The following RNF141 variants were observed in gnomAD, a reference collection of about 807,000 sequenced individuals.
The protein encoded by RNF141 is C3HC4-like zinc finger protein.
RNF141 carries 18 observed loss-of-function variants against 27.4 expected under a neutral mutation model. The ratio of observed to expected loss-of-function variants is 0.66; its 90% CI spans 0.45 to 0.97. The LOEUF (loss-of-function observed/expected upper bound fraction) is 0.97, where lower values mean the gene tolerates loss of function less well. RNF141 is among the 50% of genes least tolerant of loss of function. RNF141 has a pLI of 0.00. For synonymous variants in RNF141, 97 were observed against 96.6 expected, an observed-to-expected ratio of 1.00 and a Z score of -0.02; for missense variants, 230 against 279.4, an observed-to-expected ratio of 0.82 and a Z score of 1.26.
intron 4 of RNF141, among the ~76,000 whole-genome samples, chr11:10,524,141 A>G (rs1299476152): frequency 6.6e-6 from 1 of 152,174 alleles, no homozygotes; most frequent in African/African-American, 2.4e-5. Context: ...CTGGCCGGGC[A>G]TGGTGGCTCA....
intron 2 of RNF141, chr11:10,531,919 A>G: frequency 2.5e-6 from 1 of 404,568 alleles, no homozygotes; most frequent in Non-Finnish European, 4.9e-6. Context: ...TATAGGTTTA[A>G]TTCTACAGTT....
At chr11:10,523,385 T>G (rs1849904975) in intron 4 of RNF141, among the ~76,000 whole-genome samples, 2 of 152,230 alleles carry the variant, frequency 1.3e-5, no homozygotes, top group Non-Finnish European at 2.9e-5. Context: ...AAATCTCAGA[T>G]TCTTTGGCTG....
At chr11:10,522,955 G>C (rs964555127) in intron 4 of RNF141, among the ~76,000 whole-genome samples, 4 of 152,224 alleles carry the variant, frequency 2.6e-5, no homozygotes, top group African/African-American at 9.6e-5. Context: ...CTTGCTGCTA[G>C]AGTCTGTGCC....
intron 3 of RNF141, among the ~76,000 whole-genome samples, chr11:10,526,731 G>A (rs560548595): frequency 1.9e-3 from 285 of 151,230 alleles, no homozygotes; most frequent in African/African-American, 6.8e-3. Context: ...GCAGTGAGCC[G>A]AGATGGCGCC....
chr11:10,520,305 G>A (rs1849878423), intron 4 of RNF141, among the ~76,000 whole-genome samples: 1 of 152,084 alleles, frequency 6.6e-6, no homozygotes, highest in African/African-American at 2.4e-5. Flanking sequence ...CAGCTGTACA[G>A]AAATATTTTA....
chr11:10,523,653 C>T (rs1849907124), intron 4 of RNF141, among the ~76,000 whole-genome samples: 1 of 152,146 alleles, frequency 6.6e-6, no homozygotes. Flanking sequence ...AGAAGCACCC[C>T]TAACAAGCTA....
In RNF141 at chr11:10,513,687, GTTTT is replaced by G. The variant is rs11300664; in HGVS notation, c.*1225_*1228del. On this transcript the variant is annotated 3_prime_UTR_variant, in exon 6 of 6. Transcript: ENST00000265981. ...AAAAAGCCTCACTCTATTTTCTTGT[GTTTT>G]TTTTTTGATTAGGAGTCTCGTTCTG... 1 of 150,234 alleles carries G rather than the reference GTTTT, an allele frequency of 6.7e-6. No homozygotes were observed. The highest frequency in any genetic ancestry group is 1.5e-5 in the Non-Finnish European group (1 of 67,480). 9.3% of individuals were successfully genotyped at this position (150,234 alleles called of 1,614,324 possible).
intron 5 of RNF141, chr11:10,517,479 A>G (rs1400099239): frequency 1.3e-5 from 2 of 151,898 alleles, no homozygotes; most frequent in Non-Finnish European, 2.9e-5. Context: ...AAATTTCCAA[A>G]TTTGATGACA....
chr11:10,539,828 G>C (rs188044509), intron 1 of RNF141, among the ~76,000 whole-genome samples: 4 of 151,060 alleles, frequency 2.6e-5, no homozygotes, highest in Non-Finnish European at 5.9e-5. Context: ...TATTAGACTT[G>C]TAAGAATTCT....
intron 5 of RNF141, 149 bp downstream of exon 5, chr11:10,518,885 C>T: frequency 3.9e-6 from 2 of 512,648 alleles, no homozygotes; most frequent in Non-Finnish European, 6.8e-6. Context: ...ATAGTTTTAA[C>T]CAGTAGAAGG....
At chr11:10,532,030 G>A (rs1159565649) in intron 2 of RNF141, 1 of 452,886 alleles carries the variant, frequency 2.2e-6, no homozygotes, top group Admixed American at 2.4e-5. Context: ...ATAAATAAAA[G>A]GAAGACCTCT....
At chr11:10,519,648 T>C (rs1849870943) in intron 4 of RNF141, among the ~76,000 whole-genome samples, 1 of 128,860 alleles carries the variant, frequency 7.8e-6, no homozygotes, top group South Asian at 2.4e-4. Context: ...TACAAACATA[T>C]ATAGCATGTT....
At chr11:10,526,995 G>A (rs1040281113) in intron 3 of RNF141, among the ~76,000 whole-genome samples, 4 of 152,214 alleles carry the variant, frequency 2.6e-5, no homozygotes, top group Non-Finnish European at 4.4e-5. Context: ...TAGATCTTCA[G>A]AGCTGAGGAA....
chr11:10,539,701 A>ATATATATATAC lies in RNF141; in HGVS notation c.-48+1420_-48+1421insGTATATATATA, dbSNP rs10524171. The stretch of plus-strand genomic sequence containing the variant: ...AGAAAAAGATACATACATATATATT[A>ATATATATATAC]GAGAGAGAAGGAGAGAGAAACTACA... On this transcript the variant is annotated intron_variant, in intron 1 of 5. Transcript: ENST00000265981. Among the ~76,000 whole-genome samples the ATATATATATAC allele has an allele frequency of 1.9e-4, 6 of 31,464 alleles. 1 individual carries two copies. The highest frequency in any genetic ancestry group is 4.3e-4 in the Non-Finnish European group (6 of 13,862). The allele number at this position is 31,464 out of a possible 152,430, so 20.6% of individuals were successfully genotyped here.
chr11:10,538,806 CATTAA>C (rs1378909554), intron 1 of RNF141, among the ~76,000 whole-genome samples: 1 of 152,138 alleles, frequency 6.6e-6, no homozygotes, highest in African/African-American at 2.4e-5. Flanking sequence ...GAAAATCTGT[CATTAA>C]ATTAATGCTT....
chr11:10,525,140 GT>G (rs768704564), intron 4 of RNF141, 51 bp downstream of exon 4: 68 of 1,334,754 alleles, frequency 5.1e-5, no homozygotes, highest in Non-Finnish European at 6.7e-5. Context: ...ATAGATTTCA[GT>G]TGTTTTCATA....
Position 10,532,540 on chromosome 11 carries a change from CCA to C in RNF141, c.143+1474_143+1475del, listed in dbSNP as rs1554904849. ...ACACACACACACACACACACACACC[CCA>C]CAACTATATACAGCTTTTTGTTTTA... On this transcript the variant is annotated intron_variant, in intron 2 of 5. Transcript: ENST00000265981. 8.3e-3 allele frequency among the ~76,000 whole-genome samples: 1,020 copies of C among 122,394 alleles called. 47 individuals carry two copies. The highest frequency in any genetic ancestry group is 0.075 in the Admixed American group (912 of 12,222). The allele number at this position is 122,394 out of a possible 152,430, so 80.3% of individuals were successfully genotyped here.
At position 10,514,822 on chromosome 11, in the gene RNF141, T is replaced by G; in HGVS notation, c.*94A>C. ...AATAAAAGAGTGGGGAAAATGGATT[T>G]TCCTGTGTCTGTGCCAGTGCCACAA... On this transcript the variant is annotated 3_prime_UTR_variant, in exon 6 of 6. Coordinates refer to ENST00000265981, the MANE Select transcript of RNF141 (RefSeq NM_016422.4). 1 of 1,197,880 alleles carries G rather than the reference T, an allele frequency of 8.3e-7. No individual in the cohort carries two copies. The allele number at this position is 1,197,880 out of a possible 1,614,324, so 74.2% of individuals were successfully genotyped here.
intron 2 of RNF141, 152 bp downstream of exon 2, chr11:10,533,864 T>C: frequency 1.1e-5 from 7 of 655,290 alleles, no homozygotes; most frequent in Non-Finnish European, 1.7e-5. Context: ...GAAAGTCAAC[T>C]TATAATAGAT....
Sources: gnomAD v4.1 joint callset for allele counts (sites outside exome capture counted in the v4.1 genomes callset) on GRCh38, gnomAD v4.1.1 for gene constraint, MANE v1.5 for transcripts, NCBI Gene and HGNC (gene_info 2026-07-23, HGNC 2026-07-21) for gene names.